Variants in SDAD1 observed in about 807,000 individuals in gnomAD.
SDAD1 encodes SDA1 domain containing 1, also known as protein SDA1 homolog.
SDAD1 carries 79 observed loss-of-function variants against 100.3 expected under a neutral mutation model. The ratio of observed to expected loss-of-function variants is 0.79; its 90% CI spans 0.66 to 0.95. The LOEUF (loss-of-function observed/expected upper bound fraction) is 0.95, where lower values mean the gene tolerates loss of function less well. SDAD1 is among the 40% of genes least tolerant of loss of function. The probability of loss-of-function intolerance (pLI) is 0.00; values close to 1 mark genes in which losing one functional copy is unlikely to be tolerated. For synonymous variants in SDAD1, 267 were observed against 271.4 expected (o/e 0.98, Z 0.16); for missense variants, 790 against 810.9 (o/e 0.97, Z 0.31).
At chr4:75,974,356 C>T (rs1465607784) in intron 6 of SDAD1, among the ~76,000 whole-genome samples, 1 of 143,240 alleles carries the variant, frequency 7.0e-6, no homozygotes, top group Non-Finnish European at 1.5e-5. Flanking sequence ...GCCATTAAGA[C>T]AGACTATTTA....
intron 4 of SDAD1, 27 bp from the exon 5 acceptor site, chr4:75,976,022 CA>C (rs772798076): frequency 1.4e-6 from 2 of 1,415,528 alleles, no homozygotes; most frequent in Non-Finnish European, 2.0e-6. Flanking sequence ...AAAATATATA[CA>C]TTAAACCTAA....
At chr4:75,986,458 C>A (rs1315894710) in intron 1 of SDAD1, among the ~76,000 whole-genome samples, 1 of 152,168 alleles carries the variant, frequency 6.6e-6, no homozygotes, top group African/African-American at 2.4e-5. Flanking sequence ...GGAATATAAG[C>A]AATCTGAGGA....
Position 75,974,071 on chromosome 4 carries a change from C to T in SDAD1, c.636+5G>A, listed in dbSNP as rs1176789032. ...GAGCTTACACACAGCCCTATAGGTG[C>T]TCACCTTGGTGACCTTAGAGAAACA... On this transcript the variant is annotated splice_donor_5th_base_variant and intron_variant, in intron 7 of 21. Coordinates refer to ENST00000356260, the MANE Select transcript of SDAD1 (RefSeq NM_018115.4). 1 of 1,613,038 alleles carries T rather than the reference C, an allele frequency of 6.2e-7. No individual in the cohort carries two copies. The highest frequency in any genetic ancestry group is 8.5e-7 in the Non-Finnish European group (1 of 1,179,142).
At chr4:75,973,223 GTTTC>G (rs1578135196) in intron 8 of SDAD1, 90 bp downstream of exon 8, 33 of 995,494 alleles carry the variant, frequency 3.3e-5, no homozygotes, top group East Asian at 9.6e-5. Context: ...TGTCATCTAA[GTTTC>G]TTTCTAACTT....
intron 14 of SDAD1, among the ~76,000 whole-genome samples, chr4:75,962,106 T>C (rs1180972343): frequency 6.6e-6 from 1 of 152,168 alleles, no homozygotes; most frequent in East Asian, 1.9e-4. Flanking sequence ...TGTCCAAGTG[T>C]TCTCATTGTT....
chr4:75,980,904 C>T (rs747648423), intron 3 of SDAD1: 12 of 155,016 alleles, frequency 7.7e-5, no homozygotes, highest in Admixed American at 6.3e-5. Context: ...GAATGTCAGC[C>T]AGGACTCAAC....
intron 4 of SDAD1, 80 bp from the exon 5 acceptor site, chr4:75,976,075 T>G: frequency 1.3e-6 from 1 of 799,420 alleles, no homozygotes; most frequent in Non-Finnish European, 2.0e-6. Context: ...ACAGTATGAA[T>G]GTACAGGATG....
At position 75,957,629 on chromosome 4, in the gene SDAD1, T is replaced by C; in HGVS notation, c.1658A>G (p.Gln553Arg). ...AAISTSRVLTQEDFQKIRMAQ... is the reference protein window; with the variant it reads ...AAISTSRVLTREDFQKIRMAQ... ...CATGCGGATTTTCTGGAAGTCTTCCTGAGTTAAAACTCGGCTAGTGCTGAT... is the reference window on the plus strand; with the variant it reads ...CATGCGGATTTTCTGGAAGTCTTCCCGAGTTAAAACTCGGCTAGTGCTGAT... Residue 553 changes from glutamine to arginine, a missense_variant, in exon 19 of 22, where the codon CAG becomes CGG. Coordinates refer to ENST00000356260, the MANE Select transcript of SDAD1 (RefSeq NM_018115.4). 1.2e-6 allele frequency: 2 copies of C among 1,614,234 alleles called. No individual in the cohort carries two copies. The highest frequency in any genetic ancestry group is 1.7e-6 in the Non-Finnish European group (2 of 1,180,040).
intron 1 of SDAD1, among the ~76,000 whole-genome samples, chr4:75,989,500 T>C (rs1578157404): frequency 6.6e-6 from 1 of 152,234 alleles, no homozygotes; most frequent in African/African-American, 2.4e-5. Flanking sequence ...ACACAGTAGT[T>C]ATATGTGATT....
Position 75,957,350 on chromosome 4 carries a change from T to C in SDAD1, c.1829A>G (p.Lys610Arg). The change falls in exon 20 of 22, where the codon AAA (lysine) becomes AGA (arginine). Residue 610 changes from lysine (K) to arginine (R), a missense_variant. By Grantham distance (26) the Lys-to-Arg change is conservative (BLOSUM62 2). Transcript: ENST00000356260. ...CATTGCAGTTGCTAGTCTTGTCTCT[T>C]TGTCAGACTTTGGCTTTTTATGAAG... ...ERLHKKPKSD[K>R]ETRLATAMAG... 1 of 1,614,196 alleles carries C rather than the reference T, an allele frequency of 6.2e-7. No individual in the cohort carries two copies. Among genetic ancestry groups the C allele is most frequent in the African/African-American group, 1.3e-5 (1 of 75,058 alleles).
intron 17 of SDAD1, among the ~76,000 whole-genome samples, chr4:75,959,097 C>A (rs867074738): frequency 5.5e-5 from 3 of 54,986 alleles, no homozygotes; most frequent in Admixed American, 2.8e-4. Flanking sequence ...GACTCTGTCT[C>A]AAAAAAAAAA....
At position 75,969,408 on chromosome 4, in the gene SDAD1, GA is replaced by G. The variant is rs1383981134; in HGVS notation, c.884-10del. On this transcript the variant is annotated splice_polypyrimidine_tract_variant and intron_variant, in intron 10 of 21. Transcript: ENST00000356260. ...TAGTTTTTCCGCAAAATCTGGCAAG[GA>G]GAGGATGAAAGAAGTACATTGTGAG... 14 of 1,600,248 alleles carry G rather than the reference GA, an allele frequency of 8.7e-6. No individual in the cohort carries two copies. The highest frequency in any genetic ancestry group is 1.2e-5 in the Non-Finnish European group (14 of 1,168,328).
chr4:75,951,128 AT>A lies in SDAD1; in HGVS notation c.2017-332del, dbSNP rs3839120. On this transcript the variant is annotated intron_variant, in intron 21 of 21. Transcript: ENST00000356260. ...TTATTTGGTCTATGTGGCTCTTAAT[AT>A]TTTGGAGTTGTGGATGGAATACATT... is the stretch of plus-strand genomic sequence containing the variant. Among the ~76,000 whole-genome samples, 119 of 152,270 alleles carry A rather than the reference AT, an allele frequency of 7.8e-4. No individual in the cohort carries two copies. In the East Asian group the frequency reaches 0.022, roughly 28 times the overall value.
intron 20 of SDAD1, among the ~76,000 whole-genome samples, chr4:75,956,639 C>G (rs1482298572): frequency 6.6e-6 from 1 of 152,164 alleles, no homozygotes; most frequent in African/African-American, 2.4e-5. Context: ...CAGCACTAGC[C>G]ACAGGCAGAC....
In SDAD1 at chr4:75,973,397, C is replaced by A; in HGVS notation, c.637-6G>T. ...GTCAAAGCGGCAACTAATATCTAAA[C>A]ACCAATGAGAAAAAAGTCAGCTACT... On this transcript the variant is annotated splice_polypyrimidine_tract_variant and splice_region_variant and intron_variant, in intron 7 of 21. Transcript: ENST00000356260. The A allele has an allele frequency of 6.2e-7, 1 of 1,610,344 alleles. No homozygotes were observed. Among genetic ancestry groups the A allele is most frequent in the Non-Finnish European group, 8.5e-7 (1 of 1,177,028 alleles).
At chr4:75,964,053 T>C in intron 14 of SDAD1, 82 bp downstream of exon 14, 1 of 902,880 alleles carries the variant, frequency 1.1e-6, no homozygotes, top group Non-Finnish European at 1.8e-6. Context: ...TACTACCAGC[T>C]ACAATCTTAC....
intron 17 of SDAD1, among the ~76,000 whole-genome samples, 190 bp from the exon 18 acceptor site, chr4:75,958,131 T>A (rs1454799463): frequency 6.6e-6 from 1 of 152,214 alleles, no homozygotes; most frequent in Non-Finnish European, 1.5e-5. Context: ...TAGGCACTGA[T>A]CAAGTATCTA....
Position 75,967,407 on chromosome 4 carries a change from A to G in SDAD1, c.988-73T>C, listed in dbSNP as rs1032584921. On this transcript the variant is annotated intron_variant, in intron 11 of 21. Coordinates refer to ENST00000356260, the MANE Select transcript of SDAD1 (RefSeq NM_018115.4). ...AGTTCCATTTCTTCTCAATGCAAAC[A>G]TATCACCAAGCTCAACTAATTGCAG... is the stretch of plus-strand genomic sequence containing the variant. The G allele has an allele frequency of 3.3e-5, 45 of 1,351,852 alleles. 1 individual carries two copies. Among genetic ancestry groups the G allele is most frequent in the Admixed American group, 5.4e-5 (3 of 55,666 alleles). The allele number at this position is 1,351,852 out of a possible 1,614,324, so 83.7% of individuals were successfully genotyped here. A position where few individuals can be genotyped will look rare whatever the true frequency, so the allele number is the denominator to read the frequency against.
At chr4:75,982,855 T>C (rs1435233420) in intron 1 of SDAD1, among the ~76,000 whole-genome samples, 3 of 151,730 alleles carry the variant, frequency 2.0e-5, no homozygotes, top group Middle Eastern at 3.4e-3. Flanking sequence ...TGCAGGTTTG[T>C]TACACAGGTA....
Sources: allele counts gnomAD v4.1 joint callset (sites outside exome capture counted in the v4.1 genomes callset), GRCh38; gene constraint gnomAD v4.1.1; transcripts MANE v1.5; gene names NCBI Gene and HGNC (gene_info 2026-07-23, HGNC 2026-07-21).